CLVS1: variants seen among roughly 807,000 people sequenced by gnomAD.
CLVS1 encodes clavesin 1.
CLVS1 carries 10 observed loss-of-function variants against 33.1 expected under a neutral mutation model. That is an observed-to-expected ratio of 0.30 (90% CI 0.19 to 0.51). The LOEUF is 0.51. Among genes scored for constraint, CLVS1 ranks in the 20% least tolerant of loss-of-function variants. The probability of loss-of-function intolerance (pLI) is 0.97; values close to 1 mark genes in which losing one functional copy is unlikely to be tolerated. For missense variants in CLVS1, 343 were observed against 433.4 expected, an observed-to-expected ratio of 0.79 and a Z score of 1.85; for synonymous variants, 163 against 166.1, an observed-to-expected ratio of 0.98 and a Z score of 0.14.
chr8:61,097,673 C>T (rs1805377803), intron 1 of CLVS1, among the ~76,000 whole-genome samples: 1 of 152,168 alleles, frequency 6.6e-6, no homozygotes. Flanking sequence ...TTTGGAAAAC[C>T]TCATCTCCAC....
At chr8:61,280,405 A>G (rs1288724362) in intron 2 of CLVS1, among the ~76,000 whole-genome samples, 1 of 152,206 alleles carries the variant, frequency 6.6e-6, no homozygotes, top group Non-Finnish European at 1.5e-5. Flanking sequence ...TTAGTGCTCC[A>G]AAAGGCCTGA....
chr8:61,087,632 G>A (rs7825026), intron 1 of CLVS1, among the ~76,000 whole-genome samples: 6,717 of 152,128 alleles, frequency 0.044, 503 homozygotes, highest in African/African-American at 0.15. Flanking sequence ...CGTTGAAGAT[G>A]CCCTAATTTC....
intron 3 of CLVS1, among the ~76,000 whole-genome samples, chr8:61,448,841 C>T (rs892882977): frequency 6.6e-5 from 10 of 152,042 alleles, no homozygotes; most frequent in African/African-American, 4.8e-5. Context: ...AAACATTGTT[C>T]GTGATGGCTA....
At chr8:61,427,393 G>T (rs527414735) in intron 3 of CLVS1, among the ~76,000 whole-genome samples, 1 of 152,000 alleles carries the variant, frequency 6.6e-6, no homozygotes, top group African/African-American at 2.4e-5. Context: ...AGTCTGTGCC[G>T]CAAAATAAGC....
At chr8:61,064,765 G>C (rs1306217128) in intron 1 of CLVS1, among the ~76,000 whole-genome samples, 1 of 151,710 alleles carries the variant, frequency 6.6e-6, no homozygotes, top group Non-Finnish European at 1.5e-5. Context: ...ACAGTGGCAT[G>C]ATCTTGGCTC....
chr8:61,035,695 A>G, the CLVS1 span, among the ~76,000 whole-genome samples: 3 of 152,184 alleles, frequency 2.0e-5, no homozygotes, highest in African/African-American at 7.2e-5. Flanking sequence ...AGTCTTCTTC[A>G]GACTTGTTTA....
chr8:61,093,860 G>C (rs550474391), intron 1 of CLVS1, among the ~76,000 whole-genome samples: 69 of 152,330 alleles, frequency 4.5e-4, no homozygotes, highest in Non-Finnish European at 6.8e-4. Flanking sequence ...TATGGTGACT[G>C]GGTTAATGGC....
At chr8:61,165,448 GC>G (rs1806843520) in intron 2 of CLVS1, among the ~76,000 whole-genome samples, 1 of 152,234 alleles carries the variant, frequency 6.6e-6, no homozygotes, top group South Asian at 2.1e-4. Flanking sequence ...CTCCTGCTGT[GC>G]TCTCAGGCAA....
chr8:61,040,355 ATGGGATTAC>A, the CLVS1 span, among the ~76,000 whole-genome samples: 5 of 152,248 alleles, frequency 3.3e-5, no homozygotes, highest in Non-Finnish European at 7.3e-5. Context: ...ATACCCAGTA[ATGGGATTAC>A]TGGGTTGAAT....
chr8:61,364,913 T>C (rs918744723), intron 2 of CLVS1, among the ~76,000 whole-genome samples: 2 of 152,238 alleles, frequency 1.3e-5, no homozygotes, highest in Admixed American at 1.3e-4. Flanking sequence ...TGAAAAGCAA[T>C]ACATACAGAG....
In CLVS1 at chr8:61,501,384, C is replaced by T. The variant is rs1804903536; in HGVS notation, c.*1842C>T. The T allele has an allele frequency of 1.3e-5, 2 of 152,064 alleles. No homozygotes were observed. The highest frequency in any genetic ancestry group is 1.3e-4 in the Admixed American group (2 of 15,256). The allele number at this position is 152,064 out of a possible 1,614,324, so 9.4% of individuals were successfully genotyped here. ...ATACTTAGAACCTTACTGTAGTGAC[C>T]TGATTTTAAATACCATATTATATTT... On this transcript the variant is annotated 3_prime_UTR_variant, in exon 6 of 6. Transcript: ENST00000325897.
chr8:61,349,407 A>G (rs1812357007), intron 2 of CLVS1, among the ~76,000 whole-genome samples: 1 of 152,082 alleles, frequency 6.6e-6, no homozygotes, highest in African/African-American at 2.4e-5. Flanking sequence ...GAGTTGGGCC[A>G]CTGATTGGAT....
chr8:61,289,736 G>T (rs1383483873), intron 1 of CLVS1, among the ~76,000 whole-genome samples: 6 of 152,180 alleles, frequency 3.9e-5, no homozygotes, highest in Non-Finnish European at 7.4e-5. Context: ...TAGAGGCATT[G>T]TCGAAAATAA....
chr8:61,234,404 T>C (rs543932623), intron 2 of CLVS1, among the ~76,000 whole-genome samples: 1 of 152,312 alleles, frequency 6.6e-6, no homozygotes, highest in African/African-American at 2.4e-5. Context: ...GTGCTTTTTA[T>C]ATGCCAGATT....
In CLVS1 at chr8:61,223,941, T is replaced by G. The variant is rs1364542676; in HGVS notation, c.-151-75736T>G. ...AGGTGGTCTTCAAACTCTGATATCC[T>G]TTGTTCTGCTTGGTTGATTTGGTTA... On this transcript the variant is annotated intron_variant, in intron 2 of 2. Transcript: ENST00000522621. Among the ~76,000 whole-genome samples the G allele has an allele frequency of 2.0e-5, 3 of 149,332 alleles. No individual in the cohort carries two copies. In the East Asian group the frequency reaches 6.4e-4, roughly 32 times the overall value.
At chr8:61,329,740 TGA>T (rs1026266964) in intron 2 of CLVS1, among the ~76,000 whole-genome samples, 1 of 152,234 alleles carries the variant, frequency 6.6e-6, no homozygotes. Context: ...TATTTATAGT[TGA>T]GTCACATTAA....
chr8:61,443,693 C>T (rs953098392), intron 3 of CLVS1, among the ~76,000 whole-genome samples: 2 of 151,980 alleles, frequency 1.3e-5, no homozygotes, highest in Non-Finnish European at 2.9e-5. Context: ...CCACTTTATT[C>T]TTTTTCAAAA....
chr8:61,065,425 T>C (rs578252654), intron 1 of CLVS1, among the ~76,000 whole-genome samples: 1 of 152,284 alleles, frequency 6.6e-6, no homozygotes, highest in African/African-American at 2.4e-5. Context: ...TGTACTGCTC[T>C]GGATGTATTT....
At chr8:61,026,054 T>A in the CLVS1 span, among the ~76,000 whole-genome samples, 1 of 149,612 alleles carries the variant, frequency 6.7e-6, no homozygotes, top group African/African-American at 2.5e-5. Context: ...CCCCTCCAAT[T>A]CACATGTTGA....
Sources: gnomAD v4.1 joint callset for allele counts (sites outside exome capture counted in the v4.1 genomes callset) on GRCh38, gnomAD v4.1.1 for gene constraint, MANE v1.5 for transcripts, NCBI Gene and HGNC (gene_info 2026-07-23, HGNC 2026-07-21) for gene names.